NTM: variants seen among roughly 807,000 people sequenced by gnomAD.
NTM encodes neurotrimin, also known as IgLON family member 2.
NTM carries 13 observed loss-of-function variants against 42.1 expected under a neutral mutation model. The ratio of observed to expected loss-of-function variants is 0.31; its 90% CI spans 0.20 to 0.49. The LOEUF (loss-of-function observed/expected upper bound fraction) is 0.49, where lower values mean the gene tolerates loss of function less well. Among genes scored for constraint, NTM ranks in the 20% least tolerant of loss-of-function variants. NTM has a pLI of 0.99. For missense variants in NTM, 373 were observed against 452.8 expected (o/e 0.82, Z 1.60); for synonymous variants, 187 against 179.2 (o/e 1.04, Z -0.35).
intron 1 of NTM, among the ~76,000 whole-genome samples, chr11:131,748,348 C>A (rs933777651): frequency 1.6e-4 from 25 of 152,210 alleles, no homozygotes; most frequent in Non-Finnish European, 1.8e-4. Flanking sequence ...ATTCTGGATT[C>A]TCACCGGCAG....
At chr11:132,203,588 C>G (rs932599365) in intron 3 of NTM, among the ~76,000 whole-genome samples, 1 of 152,094 alleles carries the variant, frequency 6.6e-6, no homozygotes, top group Non-Finnish European at 1.5e-5. Context: ...TTTTTCTAAC[C>G]CATATTATTT....
chr11:131,600,446 G>A (rs1423244699), intron 1 of NTM, among the ~76,000 whole-genome samples: 4 of 152,106 alleles, frequency 2.6e-5, no homozygotes, highest in Non-Finnish European at 5.9e-5. Context: ...CATGACATTT[G>A]GAAAATCCAT....
chr11:131,566,540 C>A (rs2056908006), intron 1 of NTM, among the ~76,000 whole-genome samples: 1 of 152,128 alleles, frequency 6.6e-6, no homozygotes, highest in Admixed American at 6.5e-5. Context: ...CAGTGTGAGT[C>A]TCGAGCCTTC....
At chr11:132,088,156 C>T (rs1367970503) in intron 2 of NTM, among the ~76,000 whole-genome samples, 2 of 152,282 alleles carry the variant, frequency 1.3e-5, no homozygotes, top group African/African-American at 4.8e-5. Flanking sequence ...AAGATAAATG[C>T]TGTTACAGTA....
chr11:131,887,807 C>T (rs2050642661), intron 1 of NTM, among the ~76,000 whole-genome samples: 1 of 152,156 alleles, frequency 6.6e-6, no homozygotes, highest in South Asian at 2.1e-4. Context: ...TCAGTATTTG[C>T]TATATTGTGG....
chr11:131,809,397 T>C (rs2092646646), intron 1 of NTM, among the ~76,000 whole-genome samples: 1 of 152,204 alleles, frequency 6.6e-6, no homozygotes, highest in Non-Finnish European at 1.5e-5. Flanking sequence ...TAGACTTCCC[T>C]GTCCCAAGGG....
chr11:132,136,520 C>T (rs1279189963), intron 2 of NTM, among the ~76,000 whole-genome samples: 2 of 152,174 alleles, frequency 1.3e-5, no homozygotes, highest in Non-Finnish European at 2.9e-5. Context: ...TTCCTTCTTT[C>T]CAGCCACTCC....
At chr11:131,648,857 G>GCAATAT (rs1238435789) in intron 1 of NTM, among the ~76,000 whole-genome samples, 16 of 152,118 alleles carry the variant, frequency 1.1e-4, no homozygotes, top group Non-Finnish European at 2.4e-4. Flanking sequence ...TTCTCTGGGA[G>GCAATAT]GCCTTTTTAA....
intron 1 of NTM, among the ~76,000 whole-genome samples, chr11:131,904,972 C>T (rs2053655299): frequency 6.6e-6 from 1 of 152,156 alleles, no homozygotes; most frequent in Non-Finnish European, 1.5e-5. Context: ...TAAGAGCATT[C>T]CCAGGGCCTG....
At chr11:131,432,851 T>A (rs1948782706) in intron 1 of NTM, among the ~76,000 whole-genome samples, 1 of 97,362 alleles carries the variant, frequency 1.0e-5, no homozygotes, top group Non-Finnish European at 2.0e-5. Context: ...TTTTTTTTTT[T>A]TTTTTTTTTT....
In NTM at chr11:132,335,589, G is replaced by A. The variant is rs111734828; in HGVS notation, c.*443G>A. On this transcript the variant is annotated 3_prime_UTR_variant, in exon 9 of 9. Coordinates refer to ENST00000683400, the MANE Select transcript of NTM (RefSeq NM_001352005.2). Reference sequence around the variant, plus strand: ...CCTTCCGGCCCAAGCGTGGCGCTGCGGGCACTTTGGTAGACTGTGCCACCA... The same window carrying A: ...CCTTCCGGCCCAAGCGTGGCGCTGCAGGCACTTTGGTAGACTGTGCCACCA... The A allele has an allele frequency of 2.5e-3, 383 of 154,632 alleles. 4 individuals are homozygous for A. The highest frequency in any genetic ancestry group is 7.4e-3 in the African/African-American group (307 of 41,600). 9.6% of individuals were successfully genotyped at this position (154,632 alleles called of 1,614,324 possible). A position where few individuals can be genotyped will look rare whatever the true frequency, so the allele number is the denominator to read the frequency against.
At chr11:132,131,696 C>T (rs1337683829) in intron 2 of NTM, among the ~76,000 whole-genome samples, 1 of 152,162 alleles carries the variant, frequency 6.6e-6, no homozygotes, top group East Asian at 1.9e-4. Context: ...GAGCTTCATC[C>T]TGAAGGCAGT....
At chr11:131,477,503 G>GAA (rs1953079170) in intron 1 of NTM, among the ~76,000 whole-genome samples, 1 of 151,748 alleles carries the variant, frequency 6.6e-6, no homozygotes, top group South Asian at 2.1e-4. Context: ...GGAGGAGAGA[G>GAA]TACAGAGGAG....
intron 1 of NTM, among the ~76,000 whole-genome samples, chr11:131,505,942 T>C (rs1339859224): frequency 6.6e-6 from 1 of 152,128 alleles, no homozygotes; most frequent in Non-Finnish European, 1.5e-5. Context: ...GATGTAACAG[T>C]GTGCCTCTGT....
intron 1 of NTM, among the ~76,000 whole-genome samples, chr11:131,435,270 C>T (rs575677022): frequency 6.6e-5 from 10 of 152,246 alleles, no homozygotes; most frequent in Admixed American, 2.0e-4. Context: ...CTTGGCAATG[C>T]GGGCTCTTTT....
chr11:131,769,700 A>G (rs1248527856), intron 1 of NTM: 2 of 344,758 alleles, frequency 5.8e-6, no homozygotes, highest in East Asian at 3.3e-4. Flanking sequence ...TGAGAAGCAC[A>G]CAAGGCGGCA....
chr11:131,828,404 A>G (rs904182754), intron 1 of NTM, among the ~76,000 whole-genome samples: 4 of 152,040 alleles, frequency 2.6e-5, no homozygotes, highest in Admixed American at 1.3e-4. Flanking sequence ...CATCATCAGC[A>G]TCACTACCAC....
At chr11:132,287,917 G>T (rs900339460) in intron 4 of NTM, among the ~76,000 whole-genome samples, 1 of 152,184 alleles carries the variant, frequency 6.6e-6, no homozygotes, top group African/African-American at 2.4e-5. Context: ...CTATTTTGAA[G>T]AATATGGAAG....
chr11:132,313,320 C>A (rs887731346), intron 6 of NTM, among the ~76,000 whole-genome samples: 1 of 151,768 alleles, frequency 6.6e-6, no homozygotes, highest in Admixed American at 6.5e-5. Flanking sequence ...TCAATAGCAT[C>A]CATTTGCCCC....
Sources: allele counts gnomAD v4.1 joint callset (sites outside exome capture counted in the v4.1 genomes callset), GRCh38; gene constraint gnomAD v4.1.1; transcripts MANE v1.5; gene names NCBI Gene and HGNC (gene_info 2026-07-23, HGNC 2026-07-21).